AGO1: variants seen among roughly 807,000 people sequenced by gnomAD.
AGO1 encodes the protein protein argonaute-1.
AGO1 carries 11 observed loss-of-function variants against 109.2 expected under a neutral mutation model. The ratio of observed to expected loss-of-function variants is 0.10; its 90% CI spans 0.06 to 0.17. The LOEUF is 0.17. Among genes scored for constraint, AGO1 ranks in the 10% least tolerant of loss-of-function variants. The pLI, the probability that AGO1 is intolerant of heterozygous loss-of-function variation, is 1.00. For missense variants in AGO1, 574 were observed against 1,140.3 expected (o/e 0.50, Z 7.15); for synonymous variants, 422 against 418.6 (o/e 1.01, Z -0.10).
chr1:35,893,840 C>T lies in AGO1; in HGVS notation c.649+30C>T, dbSNP rs1355294645. 1.3e-6 allele frequency: 2 copies of T among 1,598,040 alleles called. No individual in the cohort carries two copies. The highest frequency in any genetic ancestry group is 1.7e-6 in the Non-Finnish European group (2 of 1,169,926). On this transcript the variant is annotated intron_variant, in intron 5 of 18. Transcript: ENST00000373204. This position sits in a 1 kb window ranked among gnomAD's most constrained non-coding sequence, Gnocchi z 5.6. ...GTGGGGAGAGCTATGGAGCCAGGGG[C>T]ACCCCAAGTCCAGTGACCACACTCC...
chr1:35,899,061 T>A (rs1224740955), intron 8 of AGO1, among the ~76,000 whole-genome samples: 1 of 152,196 alleles, frequency 6.6e-6, no homozygotes, highest in Non-Finnish European at 1.5e-5. Flanking sequence ...TCCCTCCTTT[T>A]AACCCCTAGC....
chr1:35,894,252 G>A, intron 6 of AGO1, 63 bp from the exon 7 acceptor site: 1 of 1,603,356 alleles, frequency 6.2e-7, no homozygotes, highest in Non-Finnish European at 8.5e-7. Context: ...GCTCAGGGGA[G>A]AGACCAAGCC....
At chr1:35,916,411 A>C (rs766259050) in intron 15 of AGO1, among the ~76,000 whole-genome samples, 1 of 152,032 alleles carries the variant, frequency 6.6e-6, no homozygotes, top group Admixed American at 6.6e-5. Flanking sequence ...GCTCTTGCCC[A>C]GGGTGGAGCG....
Position 35,888,957 on chromosome 1 carries a change from G to A in AGO1, c.209+347G>A, listed in dbSNP as rs1645166680. On this transcript the variant is annotated intron_variant, in intron 2 of 18. Transcript: ENST00000373204. The surrounding 1 kb of genome is among the most constrained non-coding windows in gnomAD (Gnocchi z 4.1). ...TATGGGTATGTTTACAGATTAAGGA[G>A]AAGGAGCTAGTAAAGAGGGAGAGGT... Among the ~76,000 whole-genome samples, 1 of 152,182 alleles carries A rather than the reference G, an allele frequency of 6.6e-6. No individual in the cohort carries two copies. Among genetic ancestry groups the A allele is most frequent in the African/African-American group, 2.4e-5 (1 of 41,434 alleles).
At chr1:35,880,393 GT>G (rs570035998), upstream of AGO1, among the ~76,000 whole-genome samples, 54 of 152,112 alleles carry the variant, frequency 3.6e-4, no homozygotes, top group African/African-American at 1.2e-3. Context: ...TCTACAATAA[GT>G]AAGTAAATAA....
rs1645921609 is a variant in AGO1 at position 35,926,103 on chromosome 1, TA to T, written c.*6498del. On this transcript the variant is annotated 3_prime_UTR_variant, in exon 19 of 19. Transcript: ENST00000373204. ...TGGAGCAGATTTTGACCAGTTGAAATAAGACATAAATTTATGACTCCGAGTG... is the reference window on the plus strand; with the variant it reads ...TGGAGCAGATTTTGACCAGTTGAAATAGACATAAATTTATGACTCCGAGTG... The T allele has an allele frequency of 6.6e-6, 1 of 152,142 alleles. No homozygotes were observed. The highest frequency in any genetic ancestry group is 1.5e-5 in the Non-Finnish European group (1 of 68,014). 9.4% of individuals were successfully genotyped at this position (152,142 alleles called of 1,614,324 possible).
chr1:35,905,923 T>C (rs1645511088), intron 11 of AGO1, among the ~76,000 whole-genome samples: 1 of 152,222 alleles, frequency 6.6e-6, no homozygotes, highest in Non-Finnish European at 1.5e-5. Flanking sequence ...AAAAAATACT[T>C]TCTCATAAAA....
In AGO1 at chr1:35,927,933, G is replaced by C. The variant is rs1645960867; in HGVS notation, c.*8326G>C. On this transcript the variant is annotated 3_prime_UTR_variant, in exon 19 of 19. Transcript: ENST00000373204. ...TGTAGAAACTGATGGTCTAGGAGAA[G>C]AGATTTGAACTCAGGTGCCCAGTTG... 5.3e-5 allele frequency: 8 copies of C among 152,240 alleles called. No homozygotes were observed. Among genetic ancestry groups the C allele is most frequent in the Admixed American group, 5.2e-4 (8 of 15,288 alleles). The allele number at this position is 152,240 out of a possible 1,614,324, so 9.4% of individuals were successfully genotyped here.
At chr1:35,914,044 C>T in intron 13 of AGO1, 43 bp downstream of exon 13, 1 of 1,611,294 alleles carries the variant, frequency 6.2e-7, no homozygotes, top group Non-Finnish European at 8.5e-7. Flanking sequence ...AGGTACCATG[C>T]TGGGAATTGA....
rs1645906185 is a variant in AGO1 at position 35,925,262 on chromosome 1, A to C, written c.*5655A>C. 6.6e-6 allele frequency: 1 copy of C among 150,996 alleles called. No homozygotes were observed. Among genetic ancestry groups the C allele is most frequent in the Admixed American group, 6.6e-5 (1 of 15,096 alleles). 9.4% of individuals were successfully genotyped at this position (150,996 alleles called of 1,614,324 possible). A position where few individuals can be genotyped will look rare whatever the true frequency, so the allele number is the denominator to read the frequency against. ...TGGGGATCTTGTAACTCTATGACTT[A>C]CTTACGTTATTCTCCAGTATTTCTT... On this transcript the variant is annotated 3_prime_UTR_variant, in exon 19 of 19. Coordinates refer to ENST00000373204, the MANE Select transcript of AGO1 (RefSeq NM_012199.5).
chr1:35,917,327 C>T (rs1374188536), intron 15 of AGO1, among the ~76,000 whole-genome samples: 1 of 152,158 alleles, frequency 6.6e-6, no homozygotes, highest in Non-Finnish European at 1.5e-5. Flanking sequence ...GGTATTAGGT[C>T]TCTTTATACA....
In AGO1 at chr1:35,883,292, G is replaced by T; in HGVS notation, c.-130G>T. On this transcript the variant is annotated 5_prime_UTR_variant, in exon 1 of 19. Coordinates refer to ENST00000373204, the MANE Select transcript of AGO1 (RefSeq NM_012199.5). This position sits in a 1 kb window ranked among gnomAD's most constrained non-coding sequence, Gnocchi z 5.4. Reference sequence around the variant, plus strand: ...ACGGAGGCTGCGGGGGCGGCGGCGCGAGCGGCCGGGCTTGGTAGGGGAGCC... The same window carrying T: ...ACGGAGGCTGCGGGGGCGGCGGCGCTAGCGGCCGGGCTTGGTAGGGGAGCC... 1 of 1,424,300 alleles carries T rather than the reference G, an allele frequency of 7.0e-7. No individual in the cohort carries two copies. The highest frequency in any genetic ancestry group is 9.2e-7 in the Non-Finnish European group (1 of 1,090,704). The allele number at this position is 1,424,300 out of a possible 1,614,324, so 88.2% of individuals were successfully genotyped here.
intron 8 of AGO1, among the ~76,000 whole-genome samples, chr1:35,896,084 CTG>C (rs1413023038): frequency 6.6e-6 from 1 of 152,100 alleles, no homozygotes; most frequent in Non-Finnish European, 1.5e-5. Flanking sequence ...ACTGCAACCT[CTG>C]CCTCCCGGGT....
intron 11 of AGO1, 131 bp from the exon 12 acceptor site, chr1:35,906,804 C>T (rs1219324075): frequency 1.4e-6 from 1 of 704,548 alleles, no homozygotes; most frequent in Non-Finnish European, 2.2e-6. Context: ...CACCCTGTCT[C>T]AAGGAAAAAA....
At position 35,930,107 on chromosome 1, in the gene AGO1, T is replaced by C. The variant is rs556209808; in HGVS notation, c.*10500T>C. 2.0e-5 allele frequency: 3 copies of C among 152,298 alleles called. No individual in the cohort carries two copies. Among genetic ancestry groups the C allele is most frequent in the Admixed American group, 6.5e-5 (1 of 15,298 alleles). 9.4% of individuals were successfully genotyped at this position (152,298 alleles called of 1,614,324 possible). A position where few individuals can be genotyped will look rare whatever the true frequency, so the allele number is the denominator to read the frequency against. ...GTATGTTTCATTAAGGCAACAAATA[T>C]TTATTAAGGACCTAATATTTGCCTG... On this transcript the variant is annotated 3_prime_UTR_variant, in exon 19 of 19. Transcript: ENST00000373204.
Position 35,926,172 on chromosome 1 carries a change from G to GA in AGO1, c.*6566dup, listed in dbSNP as rs1253510461. ...TTAGCAGGGGGAATAGGAGGAGGAT[G>GA]ATTATGGCAAATTTTGCTATAAACT... On this transcript the variant is annotated 3_prime_UTR_variant, in exon 19 of 19. Transcript: ENST00000373204. 1 of 152,170 alleles carries GA rather than the reference G, an allele frequency of 6.6e-6. No homozygotes were observed. The highest frequency in any genetic ancestry group is 1.5e-5 in the Non-Finnish European group (1 of 68,020). The allele number at this position is 152,170 out of a possible 1,614,324, so 9.4% of individuals were successfully genotyped here.
intron 1 of AGO1, among the ~76,000 whole-genome samples, chr1:35,874,459 GA>G (rs1478660215): frequency 6.6e-6 from 1 of 152,224 alleles, no homozygotes; most frequent in Non-Finnish European, 1.5e-5. Context: ...TTATGGGCAT[GA>G]GCCAACGTGC....
At chr1:35,884,580 C>T (rs1338133925) in intron 1 of AGO1, among the ~76,000 whole-genome samples, 2 of 152,152 alleles carry the variant, frequency 1.3e-5, no homozygotes, top group African/African-American at 2.4e-5. Flanking sequence ...TTTTCCTCTC[C>T]CCACTCCCCA....
chr1:35,917,776 C>G, intron 16 of AGO1, 49 bp downstream of exon 16: 1 of 1,588,016 alleles, frequency 6.3e-7, no homozygotes, highest in South Asian at 1.1e-5. Context: ...TCTCCCTTAT[C>G]TTAATAGAGA....
Sources: gnomAD v4.1 joint callset for allele counts (sites outside exome capture counted in the v4.1 genomes callset) on GRCh38, gnomAD v4.1.1 for gene constraint, Gnocchi (gnomAD v3.1) non-coding constraint, MANE v1.5 for transcripts, NCBI Gene and HGNC (gene_info 2026-07-23, HGNC 2026-07-21) for gene names.